NSD1: variants seen among roughly 807,000 people sequenced by gnomAD.
NSD1 encodes nuclear receptor binding SET domain protein 1.
NSD1 carries 26 observed loss-of-function variants against 242.7 expected under a neutral mutation model. The observed-to-expected ratio is 0.11, with a 90% CI of 0.08 to 0.15. NSD1 has a LOEUF of 0.15. Among genes scored for constraint, NSD1 ranks in the 10% least tolerant of loss-of-function variants. NSD1 has a pLI of 1.00. For synonymous variants in NSD1, 1,106 were observed against 1,178.1 expected, an observed-to-expected ratio of 0.94 and a Z score of 1.25; for missense variants, 2,495 against 3,272.8, an observed-to-expected ratio of 0.76 and a Z score of 5.80.
intron 14 of NSD1, chr5:177,266,460 G>T: frequency 3.3e-6 from 2 of 613,320 alleles, no homozygotes; most frequent in Middle Eastern, 2.9e-4. Context: ...ACATGGAGTT[G>T]CCGAAGTGGG....
chr5:177,285,400 G>T (rs1288600811), intron 20 of NSD1, among the ~76,000 whole-genome samples: 1 of 151,196 alleles, frequency 6.6e-6, no homozygotes, highest in Admixed American at 6.6e-5. Flanking sequence ...CATCTCTACT[G>T]AAAATACAAA....
At chr5:177,196,787 T>G (rs1416029721) in intron 3 of NSD1, among the ~76,000 whole-genome samples, 1 of 152,036 alleles carries the variant, frequency 6.6e-6, no homozygotes, top group Non-Finnish European at 1.5e-5. Flanking sequence ...TGAAAAAGAA[T>G]GATGAAAAAG....
intron 14 of NSD1, among the ~76,000 whole-genome samples, chr5:177,264,568 A>C (rs1434507885): frequency 6.6e-6 from 1 of 152,184 alleles, no homozygotes; most frequent in African/African-American, 2.4e-5. Flanking sequence ...ATGTAATCTT[A>C]CTCTGAATCT....
At chr5:177,148,209 C>A (rs540646442) in intron 2 of NSD1, among the ~76,000 whole-genome samples, 1 of 151,990 alleles carries the variant, frequency 6.6e-6, no homozygotes, top group African/African-American at 2.4e-5. Flanking sequence ...CCTCTGCCTC[C>A]TGGGTTCAAG....
In NSD1 at chr5:177,299,918, G is replaced by T. The variant is rs551390187; in HGVS notation, c.*4459G>T. 23 of 232,320 alleles carry T rather than the reference G, an allele frequency of 9.9e-5. No individual in the cohort carries two copies. The highest frequency in any genetic ancestry group is 5.1e-4 in the Admixed American group (9 of 17,720). The allele number at this position is 232,320 out of a possible 1,614,324, so 14.4% of individuals were successfully genotyped here. On this transcript the variant is annotated 3_prime_UTR_variant, in exon 23 of 23. Transcript: ENST00000439151. ...TGTAGATGAGTGTGCTGAAGGTGGG[G>T]AGGGCAGCACACAGCAGCTCATGGC...
chr5:177,133,407 G>A (rs1321144983), upstream of NSD1, among the ~76,000 whole-genome samples: 1 of 152,044 alleles, frequency 6.6e-6, no homozygotes, highest in Non-Finnish European at 1.5e-5. The surrounding 1 kb of genome is among the most constrained non-coding windows in gnomAD (Gnocchi z 6.2). Flanking sequence ...CCCGAGGTAG[G>A]TGAGGGGATC....
At chr5:177,171,277 A>C (rs1006793655) in intron 2 of NSD1, among the ~76,000 whole-genome samples, 4 of 151,978 alleles carry the variant, frequency 2.6e-5, no homozygotes, top group Non-Finnish European at 4.4e-5. Context: ...GCTGCACTCC[A>C]GCCTGGCGAC....
intron 5 of NSD1, among the ~76,000 whole-genome samples, chr5:177,217,631 TTGTTTG>T (rs1299096810): frequency 6.6e-6 from 1 of 151,950 alleles, no homozygotes; most frequent in Non-Finnish European, 1.5e-5. Flanking sequence ...AATTACTTTT[TTGTTTG>T]TGTTTTTGTT....
intron 2 of NSD1, among the ~76,000 whole-genome samples, chr5:177,182,785 C>T (rs1760800898): frequency 6.6e-6 from 1 of 152,072 alleles, no homozygotes; most frequent in East Asian, 1.9e-4. Flanking sequence ...TTACAGGCGC[C>T]TGCCATTACG....
intron 6 of NSD1, 31 bp downstream of exon 6, chr5:177,235,976 T>C (rs757529123): frequency 1.9e-6 from 3 of 1,612,948 alleles, no homozygotes; most frequent in African/African-American, 2.7e-5. Context: ...AAACTTTCAC[T>C]GGTCCTTAGG....
At chr5:177,177,692 A>T (rs574036011) in intron 2 of NSD1, among the ~76,000 whole-genome samples, 4 of 152,244 alleles carry the variant, frequency 2.6e-5, no homozygotes, top group Admixed American at 2.6e-4. Context: ...GTATGTTCAC[A>T]ATTATATGTG....
intron 2 of NSD1, among the ~76,000 whole-genome samples, chr5:177,162,423 TCTCA>T (rs1758835755): frequency 6.6e-6 from 1 of 151,744 alleles, no homozygotes; most frequent in Non-Finnish European, 1.5e-5. Flanking sequence ...GAGATGGGGG[TCTCA>T]CTCTGTCACG....
chr5:177,261,236 A>ATTTTTTTTTT, intron 14 of NSD1, among the ~76,000 whole-genome samples: 2 of 74,756 alleles, frequency 2.7e-5, no homozygotes, highest in Non-Finnish European at 5.5e-5. Flanking sequence ...TGCCCCACTA[A>ATTTTTTTTTT]TTTTTTTTTT....
intron 7 of NSD1, among the ~76,000 whole-genome samples, 178 bp from the exon 8 acceptor site, chr5:177,239,578 T>A (rs971077705): frequency 1.3e-5 from 2 of 152,232 alleles, no homozygotes; most frequent in Non-Finnish European, 2.9e-5. Context: ...GAAAACTGTT[T>A]ACTTGTTTTG....
chr5:177,240,817 G>A (rs1041318841), intron 8 of NSD1, among the ~76,000 whole-genome samples: 1 of 152,102 alleles, frequency 6.6e-6, no homozygotes. Flanking sequence ...GACCAGCCTG[G>A]GCAATAAAGG....
chr5:177,216,555 T>C (rs552606579), intron 5 of NSD1, among the ~76,000 whole-genome samples: 2 of 152,306 alleles, frequency 1.3e-5, no homozygotes, highest in South Asian at 2.1e-4. Flanking sequence ...AGCATGTGCA[T>C]ATCCAGTTTT....
At chr5:177,154,263 C>T (rs561801895) in intron 2 of NSD1, among the ~76,000 whole-genome samples, 1 of 152,094 alleles carries the variant, frequency 6.6e-6, no homozygotes, top group East Asian at 1.9e-4. Context: ...ATTCTATTGG[C>T]TGGCCACACA....
At chr5:177,241,372 G>C (rs1000077764) in intron 8 of NSD1, among the ~76,000 whole-genome samples, 1 of 151,632 alleles carries the variant, frequency 6.6e-6, no homozygotes, top group African/African-American at 2.4e-5. Context: ...GGGCGTCGTG[G>C]TACCTGCGCA....
intron 2 of NSD1, among the ~76,000 whole-genome samples, chr5:177,187,367 A>G (rs1218995257): frequency 6.6e-6 from 1 of 151,914 alleles, no homozygotes; most frequent in African/African-American, 2.4e-5. Flanking sequence ...GGCCTCCCAA[A>G]GTGCTGGGAT....
Sources: allele counts gnomAD v4.1 joint callset (sites outside exome capture counted in the v4.1 genomes callset), GRCh38; gene constraint gnomAD v4.1.1; non-coding constraint Gnocchi (gnomAD v3.1); transcripts MANE v1.5; gene names NCBI Gene and HGNC (gene_info 2026-07-23, HGNC 2026-07-21).